Variants in ADAMTSL1 observed in about 807,000 individuals in gnomAD.
The protein encoded by ADAMTSL1 is ADAMTS like 1.
A neutral mutation model predicts 201.8 loss-of-function variants in ADAMTSL1; 126 were observed. The ratio of observed to expected loss-of-function variants is 0.62; its 90% CI spans 0.54 to 0.72. The LOEUF (loss-of-function observed/expected upper bound fraction) is 0.72. Among genes scored for constraint, ADAMTSL1 ranks in the 30% least tolerant of loss-of-function variants. The pLI, the probability that ADAMTSL1 is intolerant of heterozygous loss-of-function variation, is 0.00. For missense variants in ADAMTSL1, 2,679 were observed against 2,277.8 expected, an observed-to-expected ratio of 1.18 and a Z score of -3.59; for synonymous variants, 1,121 against 903.4, an observed-to-expected ratio of 1.24 and a Z score of -4.32.
intron 1 of ADAMTSL1, among the ~76,000 whole-genome samples, chr9:17,987,881 G>T (rs1360126273): frequency 6.6e-6 from 1 of 152,074 alleles, no homozygotes; most frequent in Non-Finnish European, 1.5e-5. Context: ...TAATCTCTCT[G>T]TGATAACCCA....
chr9:18,833,822 G>C (rs1427947296), intron 23 of ADAMTSL1, among the ~76,000 whole-genome samples: 3 of 152,092 alleles, frequency 2.0e-5, no homozygotes, highest in Non-Finnish European at 2.9e-5. Context: ...ACAGTCTTGG[G>C]TTTTACATTT....
chr9:18,431,026 A>G (rs747941645), intron 2 of ADAMTSL1, among the ~76,000 whole-genome samples: 7 of 152,220 alleles, frequency 4.6e-5, no homozygotes, highest in Non-Finnish European at 8.8e-5. Flanking sequence ...TACACTAATC[A>G]TTGAATGCCA....
chr9:17,927,185 C>G (rs149068709), intron 1 of ADAMTSL1, among the ~76,000 whole-genome samples: 4 of 152,264 alleles, frequency 2.6e-5, no homozygotes, highest in African/African-American at 9.6e-5. Context: ...TGGCTTATTT[C>G]ACTTAAACAT....
At chr9:18,556,208 C>T (rs1821100648) in intron 3 of ADAMTSL1, among the ~76,000 whole-genome samples, 1 of 151,908 alleles carries the variant, frequency 6.6e-6, no homozygotes, top group African/African-American at 2.4e-5. Context: ...TTATCTGCCC[C>T]TCTGCCTGTA....
At chr9:17,990,803 A>C (rs1026607134) in intron 1 of ADAMTSL1, among the ~76,000 whole-genome samples, 2 of 152,092 alleles carry the variant, frequency 1.3e-5, no homozygotes, top group African/African-American at 4.8e-5. Flanking sequence ...CTGATGATTG[A>C]ATCATTCCTG....
At chr9:18,870,002 C>T (rs1827786578) in intron 23 of ADAMTSL1, among the ~76,000 whole-genome samples, 1 of 152,064 alleles carries the variant, frequency 6.6e-6, no homozygotes, top group Non-Finnish European at 1.5e-5. Flanking sequence ...TACTGACACT[C>T]CTGCCAGCTC....
At chr9:18,419,235 A>T (rs1295693266) in intron 2 of ADAMTSL1, among the ~76,000 whole-genome samples, 1 of 152,238 alleles carries the variant, frequency 6.6e-6, no homozygotes. Flanking sequence ...GTGTAAAACT[A>T]TAAAACTTTT....
At chr9:18,051,861 C>G (rs982683332) in intron 1 of ADAMTSL1, among the ~76,000 whole-genome samples, 1 of 152,272 alleles carries the variant, frequency 6.6e-6, no homozygotes, top group South Asian at 2.1e-4. Context: ...TAGGTGACCA[C>G]GTCAAAGCTG....
intron 2 of ADAMTSL1, among the ~76,000 whole-genome samples, chr9:18,443,784 T>C (rs975222425): frequency 2.6e-5 from 4 of 152,210 alleles, no homozygotes; most frequent in African/African-American, 9.7e-5. Context: ...TATAGCTCTG[T>C]TAAAACGATC....
chr9:18,604,829 C>T (rs1824908590), intron 4 of ADAMTSL1, among the ~76,000 whole-genome samples: 1 of 152,176 alleles, frequency 6.6e-6, no homozygotes, highest in South Asian at 2.1e-4. Flanking sequence ...TTTTTAGGAA[C>T]AGCCATACTG....
At chr9:18,761,974 T>C (rs1461984432) in intron 16 of ADAMTSL1, among the ~76,000 whole-genome samples, 1 of 152,262 alleles carries the variant, frequency 6.6e-6, no homozygotes, top group African/African-American at 2.4e-5. Flanking sequence ...AGCTTCTGGC[T>C]AATGATAAAA....
At chr9:18,824,429 G>A (rs1824404666) in intron 21 of ADAMTSL1, among the ~76,000 whole-genome samples, 1 of 152,190 alleles carries the variant, frequency 6.6e-6, no homozygotes, top group African/African-American at 2.4e-5. Context: ...GATGTGACAA[G>A]GCTGTGGTAT....
intron 7 of ADAMTSL1, chr9:18,651,313 G>C (rs1167236455): frequency 6.6e-6 from 1 of 152,182 alleles, no homozygotes; most frequent in African/African-American, 2.4e-5. Context: ...GACTTTCCCA[G>C]GTAGAAGAGT....
chr9:18,611,787 C>G (rs1219297900), intron 4 of ADAMTSL1, among the ~76,000 whole-genome samples: 1 of 152,118 alleles, frequency 6.6e-6, no homozygotes, highest in Non-Finnish European at 1.5e-5. Context: ...TAAAAATTAG[C>G]ACCTGGCAAA....
intron 26 of ADAMTSL1, among the ~76,000 whole-genome samples, chr9:18,895,077 G>A (rs932241280): frequency 1.3e-5 from 2 of 152,186 alleles, no homozygotes; most frequent in Admixed American, 6.5e-5. Flanking sequence ...GCAGTTACCT[G>A]TAACTCTGTG....
chr9:18,615,173 A>G lies in ADAMTSL1; in HGVS notation c.475-7070A>G, dbSNP rs531713901. Among the ~76,000 whole-genome samples the G allele has an allele frequency of 7.2e-5, 11 of 152,336 alleles. No individual in the cohort carries two copies. The East Asian group carries it at 2.1e-3, about 29-fold the overall frequency. ...TGTTACCACCTTTGCGAATTACTGG[A>G]GATTCTATTTTCTCATATTGGAAAC... On this transcript the variant is annotated intron_variant, in intron 4 of 28. Coordinates refer to ENST00000380548, the MANE Select transcript of ADAMTSL1 (RefSeq NM_001040272.6).
intron 15 of ADAMTSL1, among the ~76,000 whole-genome samples, chr9:18,746,774 CAAA>C (rs35648138): frequency 0.02 from 2,361 of 120,626 alleles, 60 homozygotes; most frequent in African/African-American, 0.062. Context: ...CAAAGGAAGG[CAAA>C]AAAAAAAAAA....
Position 18,751,820 on chromosome 9 carries a change from T to C in ADAMTSL1, c.2007-1478T>C, listed in dbSNP as rs189588757. On this transcript the variant is annotated intron_variant, in intron 15 of 28. Coordinates refer to ENST00000380548, the MANE Select transcript of ADAMTSL1 (RefSeq NM_001040272.6). ...AAGGGCAAGGAAAGGGCAAAAGATA[T>C]TCCAAATTAGAAATACAACTTGCAC... Among the ~76,000 whole-genome samples, 13 of 152,246 alleles carry C rather than the reference T, an allele frequency of 8.5e-5. No individual in the cohort carries two copies. The East Asian group carries it at 1.9e-3, about 23-fold the overall frequency.
intron 9 of ADAMTSL1, among the ~76,000 whole-genome samples, chr9:18,673,873 A>G (rs931067786): frequency 1.3e-5 from 2 of 152,156 alleles, no homozygotes; most frequent in African/African-American, 4.8e-5. Flanking sequence ...TGTATGTACA[A>G]ACTTACTAGA....
Sources: allele counts gnomAD v4.1 joint callset (sites outside exome capture counted in the v4.1 genomes callset), GRCh38; gene constraint gnomAD v4.1.1; transcripts MANE v1.5; gene names NCBI Gene and HGNC (gene_info 2026-07-23, HGNC 2026-07-21).